DHRSX: variants seen among roughly 807,000 people sequenced by gnomAD.
DHRSX encodes polyprenol dehydrogenase.
DHRSX carries 31 observed loss-of-function variants against 34.0 expected under a neutral mutation model. That is an observed-to-expected ratio of 0.91 (90% confidence interval 0.69 to 1.23). The LOEUF (loss-of-function observed/expected upper bound fraction) is 1.23. Among genes scored for constraint, DHRSX ranks in the 50% most tolerant of loss-of-function variants. The pLI, the probability that DHRSX is intolerant of heterozygous loss-of-function variation, is 0.00. For synonymous variants in DHRSX, 201 were observed against 183.8 expected, an observed-to-expected ratio of 1.09 and a Z score of -0.76; for missense variants, 414 against 428.1, an observed-to-expected ratio of 0.97 and a Z score of 0.29.
chrX:2,321,675 G>A (rs902694711), intron 3 of DHRSX, among the ~76,000 whole-genome samples: 1 of 152,020 alleles, frequency 6.6e-6, no homozygotes, highest in Non-Finnish European at 1.5e-5. Context: ...AAACATTTCT[G>A]CCTCCAGTAC....
At chrX:2,238,715 C>G (rs1422836810) in intron 6 of DHRSX, among the ~76,000 whole-genome samples, 1 of 151,596 alleles carries the variant, frequency 6.6e-6, no homozygotes, top group East Asian at 1.9e-4. Flanking sequence ...TCCCGAGTAG[C>G]TGGAATGACA....
At chrX:2,447,979 A>G (rs1415685906) in intron 1 of DHRSX, among the ~76,000 whole-genome samples, 2 of 151,482 alleles carry the variant, frequency 1.3e-5, no homozygotes, top group East Asian at 3.9e-4. Context: ...AGGACCACTG[A>G]AGGCCAGAAG....
At chrX:2,496,693 C>A (rs1297667116) in intron 1 of DHRSX, among the ~76,000 whole-genome samples, 1 of 151,838 alleles carries the variant, frequency 6.6e-6, no homozygotes, top group African/African-American at 2.4e-5. Context: ...GGAAAAATAG[C>A]GGGTGATAGA....
chrX:2,236,341 G>A (rs1041371098), intron 6 of DHRSX, among the ~76,000 whole-genome samples: 9 of 152,182 alleles, frequency 5.9e-5, no homozygotes, highest in East Asian at 3.9e-4. Flanking sequence ...GGGGAAGGGC[G>A]TGCGTGGAGG....
chrX:2,424,312 A>T lies in DHRSX; in HGVS notation c.217+885T>A, dbSNP rs186825375. ...CTGCCCATTCTATGGTAATTCTGTTATAGCGCCTGAAATGGACTAAGACAT... is the reference window on the plus strand; with the variant it reads ...CTGCCCATTCTATGGTAATTCTGTTTTAGCGCCTGAAATGGACTAAGACAT... On this transcript the variant is annotated intron_variant, in intron 2 of 6. Transcript: ENST00000334651. Among the ~76,000 whole-genome samples, 16 of 151,866 alleles carry T rather than the reference A, an allele frequency of 1.1e-4. 1 individual carries two copies. Among genetic ancestry groups the T allele is most frequent in the Admixed American group, 9.2e-4 (14 of 15,244 alleles).
At position 2,265,472 on chromosome X, in the gene DHRSX, AC is replaced by A. The variant is rs1305924005; in HGVS notation, c.596+1267del. 3.9e-5 allele frequency among the ~76,000 whole-genome samples: 5 copies of A among 128,578 alleles called. No homozygotes were observed. The East Asian group carries it at 1.3e-3, about 33-fold the overall frequency. The allele number at this position is 128,578 out of a possible 152,430, so 84.4% of individuals were successfully genotyped here. ...ACGCAGGGAGCACTGTCCCCAGAGC[AC>A]CAGTGTCCAGCAGAAGCAGGGAGCA... On this transcript the variant is annotated intron_variant, in intron 5 of 6. Transcript: ENST00000334651.
chrX:2,489,568 G>A, intron 1 of DHRSX: 2 of 1,612,714 alleles, frequency 1.2e-6, no homozygotes, highest in South Asian at 2.2e-5. Context: ...CCTCCAGCAT[G>A]AGGTGGTGGT....
intron 1 of DHRSX, chrX:2,488,565 GGTAA>G: frequency 1.3e-6 from 2 of 1,507,882 alleles, no homozygotes; most frequent in East Asian, 2.3e-5. Flanking sequence ...AAGCTGACCG[GGTAA>G]GTATTTACAG....
At chrX:2,401,109 T>G in intron 3 of DHRSX, among the ~76,000 whole-genome samples, 1 of 8,876 alleles carries the variant, frequency 1.1e-4, no homozygotes, top group South Asian at 6.1e-3. Flanking sequence ...TTTGGGAAGC[T>G]TTTTTTTTTT....
chrX:2,368,928 C>T (rs2043025472), intron 3 of DHRSX, among the ~76,000 whole-genome samples: 1 of 152,092 alleles, frequency 6.6e-6, no homozygotes, highest in Non-Finnish European at 1.5e-5. Flanking sequence ...GGCGAAAGAG[C>T]AAGACTCCAT....
intron 1 of DHRSX, among the ~76,000 whole-genome samples, chrX:2,436,099 A>G (rs897642135): frequency 2.0e-5 from 3 of 151,722 alleles, no homozygotes; most frequent in African/African-American, 7.3e-5. Flanking sequence ...AAGCTGAGGC[A>G]GGAGAATCAC....
At chrX:2,321,332 C>T (rs1602939523) in intron 3 of DHRSX, among the ~76,000 whole-genome samples, 1 of 152,070 alleles carries the variant, frequency 6.6e-6, no homozygotes, top group Non-Finnish European at 1.5e-5. Flanking sequence ...ATTTACAGCT[C>T]GTGTCAGCCC....
At chrX:2,325,289 G>A (rs752406389) in intron 3 of DHRSX, among the ~76,000 whole-genome samples, 11 of 151,986 alleles carry the variant, frequency 7.2e-5, no homozygotes, top group Admixed American at 6.6e-4. Flanking sequence ...TTCCGGGCAG[G>A]AACTAGGGAC....
intron 3 of DHRSX, among the ~76,000 whole-genome samples, chrX:2,336,910 G>C (rs901779819): frequency 6.6e-6 from 1 of 152,030 alleles, no homozygotes; most frequent in African/African-American, 2.4e-5. Context: ...ATGCAGGTTT[G>C]TTACATAGGT....
intron 6 of DHRSX, among the ~76,000 whole-genome samples, chrX:2,224,861 C>T (rs1238823595): frequency 1.3e-4 from 19 of 150,506 alleles, no homozygotes; most frequent in African/African-American, 1.7e-4. Context: ...CACACAAATT[C>T]GCATGCACAC....
At position 2,244,299 on chromosome X, in the gene DHRSX, G is replaced by A. The variant is rs189744990; in HGVS notation, c.597-1069C>T. ...CGATAACCGCGGTAAAGTGAGTAAC[G>A]TGCCTCTCTCTCTCTCTCTGGTAAC... On this transcript the variant is annotated intron_variant, in intron 5 of 6. Coordinates refer to ENST00000334651, the MANE Select transcript of DHRSX (RefSeq NM_145177.3). Among the ~76,000 whole-genome samples the A allele has an allele frequency of 1.7e-4, 14 of 84,270 alleles. No homozygotes were observed. In the East Asian group the frequency reaches 2.5e-3, roughly 15 times the overall value. The allele number at this position is 84,270 out of a possible 152,430, so 55.3% of individuals were successfully genotyped here. A position where few individuals can be genotyped will look rare whatever the true frequency, so the allele number is the denominator to read the frequency against.
At chrX:2,400,295 C>T (rs187488577) in intron 3 of DHRSX, among the ~76,000 whole-genome samples, 2 of 152,256 alleles carry the variant, frequency 1.3e-5, no homozygotes, top group Non-Finnish European at 2.9e-5. Context: ...TCAACACTCA[C>T]ATCATCCTTT....
intron 1 of DHRSX, among the ~76,000 whole-genome samples, chrX:2,458,798 G>A (rs2044350757): frequency 6.6e-6 from 1 of 151,924 alleles, no homozygotes; most frequent in South Asian, 2.1e-4. Context: ...AGGAGTTTGA[G>A]AGAAGCCTGG....
At chrX:2,313,497 T>C (rs1237511987) in intron 3 of DHRSX, among the ~76,000 whole-genome samples, 1 of 151,978 alleles carries the variant, frequency 6.6e-6, no homozygotes, top group African/African-American at 2.4e-5. Context: ...GCCTCCCAAA[T>C]AGCTGGGACT....
Sources: gnomAD v4.1 joint callset for allele counts (sites outside exome capture counted in the v4.1 genomes callset) on GRCh38, gnomAD v4.1.1 for gene constraint, MANE v1.5 for transcripts, NCBI Gene and HGNC (gene_info 2026-07-23, HGNC 2026-07-21) for gene names.